Variants in ZNF385D observed in about 807,000 individuals in gnomAD.
ZNF385D encodes the protein zinc finger protein 659.
Under a neutral mutation model 35.8 loss-of-function variants are expected in ZNF385D, and 15 were observed. That is an observed-to-expected ratio of 0.42 (90% CI 0.28 to 0.64). ZNF385D has a LOEUF of 0.64. Ranked by LOEUF, ZNF385D falls within the 30% of genes least tolerant of loss-of-function variation. The pLI is 0.23. For missense variants in ZNF385D, 474 were observed against 494.6 expected (o/e 0.96, Z 0.39); for synonymous variants, 212 against 186.8 (o/e 1.13, Z -1.10).
intron 3 of ZNF385D, among the ~76,000 whole-genome samples, chr3:21,551,230 A>G (rs962549763): frequency 2.6e-5 from 4 of 152,182 alleles, no homozygotes; most frequent in Non-Finnish European, 4.4e-5. Context: ...CCTCCATGCC[A>G]TTGTAGTAAC....
At chr3:21,457,479 C>T (rs1702896447) in intron 4 of ZNF385D, among the ~76,000 whole-genome samples, 1 of 152,042 alleles carries the variant, frequency 6.6e-6, no homozygotes, top group African/African-American at 2.4e-5. Flanking sequence ...CCTCAGCCTC[C>T]TGAGTAGCTG....
At chr3:21,426,663 A>G (rs1472789440) in intron 5 of ZNF385D, among the ~76,000 whole-genome samples, 1 of 151,972 alleles carries the variant, frequency 6.6e-6, no homozygotes, top group Non-Finnish European at 1.5e-5. Flanking sequence ...TCCCCTGCCT[A>G]TTTGAATGGA....
At chr3:22,129,057 C>T (rs941353226) in intron 3 of ZNF385D, among the ~76,000 whole-genome samples, 3 of 152,094 alleles carry the variant, frequency 2.0e-5, no homozygotes, top group Admixed American at 6.6e-5. Flanking sequence ...CACCCTATGC[C>T]CAGCAACTCT....
chr3:22,116,599 G>C (rs537636725), intron 3 of ZNF385D, among the ~76,000 whole-genome samples: 6 of 152,166 alleles, frequency 3.9e-5, no homozygotes, highest in African/African-American at 1.2e-4. Flanking sequence ...AAATTTCTTA[G>C]AACTGAGGCA....
At chr3:21,677,441 G>A (rs1419768382) in intron 1 of ZNF385D, among the ~76,000 whole-genome samples, 1 of 152,018 alleles carries the variant, frequency 6.6e-6, no homozygotes, top group East Asian at 1.9e-4. Flanking sequence ...GCTCAACTCA[G>A]GCTGAGCCAG....
At chr3:22,217,597 G>C (rs1697968506) in intron 2 of ZNF385D, among the ~76,000 whole-genome samples, 1 of 151,952 alleles carries the variant, frequency 6.6e-6, no homozygotes, top group Non-Finnish European at 1.5e-5. Context: ...CTGTAACAGA[G>C]GTAAATTACA....
chr3:22,316,785 G>A (rs909982903), intron 2 of ZNF385D, among the ~76,000 whole-genome samples: 1 of 152,234 alleles, frequency 6.6e-6, no homozygotes, highest in Admixed American at 6.5e-5. Context: ...AACTTCTAAG[G>A]AAGTTTTAGA....
intron 3 of ZNF385D, among the ~76,000 whole-genome samples, chr3:22,101,628 C>A (rs912698550): frequency 2.0e-5 from 3 of 151,980 alleles, no homozygotes; most frequent in South Asian, 2.1e-4. Context: ...CATTTAATTT[C>A]GCCAACTATA....
intron 3 of ZNF385D, among the ~76,000 whole-genome samples, chr3:21,550,228 C>T (rs2062519422): frequency 6.6e-6 from 1 of 152,120 alleles, no homozygotes. Flanking sequence ...CACAGCTAAA[C>T]AGCATTTCCT....
intron 3 of ZNF385D, among the ~76,000 whole-genome samples, chr3:21,871,914 T>G (rs988124368): frequency 6.6e-6 from 1 of 151,862 alleles, no homozygotes; most frequent in African/African-American, 2.4e-5. Context: ...GGAGAATCAC[T>G]TGAACCCAGG....
intron 2 of ZNF385D, among the ~76,000 whole-genome samples, chr3:22,288,493 T>C (rs747072555): frequency 9.9e-5 from 15 of 152,114 alleles, no homozygotes; most frequent in Non-Finnish European, 2.1e-4. Flanking sequence ...AGTTCACTGA[T>C]GCCTTTTTTG....
chr3:22,251,415 G>C (rs997835420), intron 2 of ZNF385D, among the ~76,000 whole-genome samples: 1 of 152,090 alleles, frequency 6.6e-6, no homozygotes, highest in Non-Finnish European at 1.5e-5. Flanking sequence ...ACAATGGTTG[G>C]TTGTACGTAA....
At chr3:22,355,565 T>C (rs925428539) in intron 2 of ZNF385D, among the ~76,000 whole-genome samples, 2 of 151,836 alleles carry the variant, frequency 1.3e-5, no homozygotes, top group African/African-American at 2.4e-5. Context: ...ATCAGCTCCA[T>C]GATGACTTAA....
chr3:22,259,754 T>G (rs1332009511), intron 2 of ZNF385D, among the ~76,000 whole-genome samples: 1 of 152,018 alleles, frequency 6.6e-6, no homozygotes, highest in Non-Finnish European at 1.5e-5. Context: ...TTGGTACCAC[T>G]GCCTTGCTTT....
At chr3:21,810,992 G>GTATATATATATATATATA (rs779407118) in intron 3 of ZNF385D, among the ~76,000 whole-genome samples, 1 of 114,414 alleles carries the variant, frequency 8.7e-6, no homozygotes, top group Non-Finnish European at 1.8e-5. Flanking sequence ...GTGTGTGTGT[G>GTATATATATATATATATA]TGTGTGTATA....
chr3:22,237,212 G>A (rs1398982562), intron 2 of ZNF385D, among the ~76,000 whole-genome samples: 3 of 151,702 alleles, frequency 2.0e-5, no homozygotes, highest in Non-Finnish European at 4.4e-5. Flanking sequence ...TTTTATTACA[G>A]CCATTCTCTG....
chr3:22,243,239 A>T (rs1422290292), intron 2 of ZNF385D, among the ~76,000 whole-genome samples: 1 of 151,110 alleles, frequency 6.6e-6, no homozygotes, highest in Non-Finnish European at 1.5e-5. Context: ...CTTCTCCAAG[A>T]CATATATAAA....
intron 2 of ZNF385D, among the ~76,000 whole-genome samples, chr3:21,593,325 TC>T (rs1237506379): frequency 6.6e-6 from 1 of 152,096 alleles, no homozygotes; most frequent in Admixed American, 6.5e-5. Context: ...TACCTCCCAA[TC>T]CATTGCCTCA....
chr3:21,953,394 A>G (rs780691611), intron 3 of ZNF385D, among the ~76,000 whole-genome samples: 1 of 151,974 alleles, frequency 6.6e-6, no homozygotes, highest in Non-Finnish European at 1.5e-5. Context: ...TTTTCATTAT[A>G]TCATTCTCCT....
Sources: allele counts gnomAD v4.1 joint callset (sites outside exome capture counted in the v4.1 genomes callset), GRCh38; gene constraint gnomAD v4.1.1; transcripts MANE v1.5; gene names NCBI Gene and HGNC (gene_info 2026-07-23, HGNC 2026-07-21).